The following CHRNA2 variants were observed in gnomAD, a reference collection of about 807,000 sequenced individuals.
CHRNA2 encodes cholinergic receptor nicotinic alpha 2 subunit, also known as neuronal acetylcholine receptor subunit alpha-2.
In CHRNA2, 40 loss-of-function variants were observed where a neutral mutation model predicts 45.5. The observed-to-expected ratio is 0.88, with a 90% CI of 0.68 to 1.15. The LOEUF (loss-of-function observed/expected upper bound fraction) is 1.15. Ranked by LOEUF, CHRNA2 falls within the 50% of genes most tolerant of loss-of-function variation. CHRNA2 has a pLI of 0.00. For synonymous variants in CHRNA2, 301 were observed against 296.7 expected, an observed-to-expected ratio of 1.01 and a Z score of -0.15; for missense variants, 655 against 701.7, an observed-to-expected ratio of 0.93 and a Z score of 0.75.
intron 4 of CHRNA2, among the ~76,000 whole-genome samples, chr8:27,468,763 C>G (rs1812777219): frequency 6.6e-6 from 1 of 152,236 alleles, no homozygotes; most frequent in South Asian, 2.1e-4. Context: ...TCAAATATCA[C>G]AAAGTAACCC....
At position 27,471,197 on chromosome 8, in the gene CHRNA2, G is replaced by A. The variant is rs765846499; in HGVS notation, c.-136-3C>T. 40 of 773,722 alleles carry A rather than the reference G, an allele frequency of 5.2e-5. No individual in the cohort carries two copies. Among genetic ancestry groups the A allele is most frequent in the African/African-American group, 2.8e-4 (16 of 57,808 alleles). 47.9% of individuals were successfully genotyped at this position (773,722 alleles called of 1,614,324 possible). A position where few individuals can be genotyped will look rare whatever the true frequency, so the allele number is the denominator to read the frequency against. ...GAGGCTTCCTCTCACCACCGAACCT[G>A]AGCAAGCCCAAGAAAGGGCTCTTAG... is the stretch of plus-strand genomic sequence containing the variant. On this transcript the variant is annotated splice_polypyrimidine_tract_variant and splice_region_variant and intron_variant, in intron 1 of 6. Coordinates refer to ENST00000407991, the MANE Select transcript of CHRNA2 (RefSeq NM_000742.4).
At chr8:27,467,906 G>A (rs891399) in intron 4 of CHRNA2, among the ~76,000 whole-genome samples, 26,476 of 151,922 alleles carry the variant, frequency 0.17, 2,658 homozygotes, top group East Asian at 0.45. Flanking sequence ...CACCAGAGAC[G>A]GGATGTCTGG....
In CHRNA2 at chr8:27,469,664, C is replaced by T. The variant is rs552736727; in HGVS notation, c.294+97G>A. 1.8e-4 allele frequency: 258 copies of T among 1,450,918 alleles called. No individual in the cohort carries two copies. In the African/African-American group the frequency reaches 2.7e-3, roughly 15 times the overall value. The allele number at this position is 1,450,918 out of a possible 1,614,324, so 89.9% of individuals were successfully genotyped here. A position where few individuals can be genotyped will look rare whatever the true frequency, so the allele number is the denominator to read the frequency against. ...AACCCCACCCCAAGTCACTGCTGTG[C>T]GTGAGGGCAGGGCTGGGGTAGAGGA... On this transcript the variant is annotated intron_variant, in intron 3 of 6. Transcript: ENST00000407991.
At chr8:27,473,811 G>A (rs952880555) in intron 1 of CHRNA2, among the ~76,000 whole-genome samples, 21 of 152,208 alleles carry the variant, frequency 1.4e-4, no homozygotes, top group Middle Eastern at 3.4e-3. Context: ...CATCCCCCCC[G>A]TCCACTCTGA....
rs188098799 is a variant in CHRNA2, at chr8:27,463,299, G to A, written c.1144C>T (p.Arg382Trp). 25 of 1,610,228 alleles carry A rather than the reference G, an allele frequency of 1.6e-5. No homozygotes were observed. In the East Asian group the frequency reaches 2.0e-4, roughly 13 times the overall value. The change falls in exon 6 of 7, where the codon CGG (arginine) becomes TGG (tryptophan). Residue 382 changes from arginine (R) to tryptophan (W), a missense_variant. Physicochemically the swap from Arg to Trp is moderately radical, Grantham distance 101. Around this residue, in one of 3 missense-constraint regions of CHRNA2, gnomAD observed 295 missense variants for 280.4 expected, o/e 1.05. Transcript: ENST00000407991. The surrounding 1 kb of genome is among the most constrained non-coding windows in gnomAD (Gnocchi z 6.1). ...CAGAGCTCCACGGGTGGTGGGGGCC[G>A]GTTCATCAGAAGCCACCGGGGCACA... is the stretch of plus-strand genomic sequence containing the variant. Reference protein sequence around the residue: ...GCVPRWLLMNRPPPPVELCHP... With the variant: ...GCVPRWLLMNWPPPPVELCHP...
In CHRNA2 at chr8:27,469,828, G is replaced by C. The variant is rs199810678; in HGVS notation, c.227C>G (p.Pro76Arg). The C allele has an allele frequency of 1.9e-6, 3 of 1,614,076 alleles. No individual in the cohort carries two copies. Among genetic ancestry groups the C allele is most frequent in the Non-Finnish European group, 8.5e-7 (1 of 1,180,050 alleles). The change falls in exon 3 of 7, where the codon CCG becomes CGG. Residue 76 changes from proline (P) to arginine (R), a missense_variant. This residue lies in a region of CHRNA2 where 323 missense variants were observed against 354.4 expected (regional missense o/e 0.91). Transcript: ENST00000407991. Reference protein sequence around the residue: ...LFRGYNRWARPVPNTSDVVIV... With the variant: ...LFRGYNRWARRVPNTSDVVIV... ...CACCACGTCTGAAGTGTTGGGCACC[G>C]GGCGCGCCCAGCGGTTGTAGCCCCG...
At chr8:27,473,535 C>CCT in intron 1 of CHRNA2, among the ~76,000 whole-genome samples, 1 of 138,372 alleles carries the variant, frequency 7.2e-6, no homozygotes, top group Middle Eastern at 3.5e-3. Flanking sequence ...CCCCCCCCGC[C>CCT]GTCTCTACAA....
chr8:27,476,898 A>T (rs1813076648), intron 1 of CHRNA2, among the ~76,000 whole-genome samples: 1 of 152,064 alleles, frequency 6.6e-6, no homozygotes, highest in South Asian at 2.1e-4. Context: ...TGTTGTTTTC[A>T]GGTTTACAAG....
chr8:27,471,448 G>A (rs1195945131), intron 1 of CHRNA2, among the ~76,000 whole-genome samples: 1 of 152,218 alleles, frequency 6.6e-6, no homozygotes, highest in African/African-American at 2.4e-5. Flanking sequence ...ATGGGACTGA[G>A]GTCCCCATTG....
chr8:27,468,244 A>G (rs1435151971), intron 4 of CHRNA2, among the ~76,000 whole-genome samples: 2 of 152,186 alleles, frequency 1.3e-5, no homozygotes, highest in Non-Finnish European at 2.9e-5. Context: ...TGACCAGCCC[A>G]TGGGGACAAC....
chr8:27,474,028 T>C (rs1291506279), intron 1 of CHRNA2, among the ~76,000 whole-genome samples: 1 of 152,142 alleles, frequency 6.6e-6, no homozygotes, highest in Non-Finnish European at 1.5e-5. Context: ...AGATAAAGAT[T>C]GGACACTTTC....
chr8:27,466,026 A>G lies in CHRNA2; in HGVS notation c.449+1203T>C, dbSNP rs1001279. ...GGACTTTGCTCCTGACCTCTGCCAC[A>G]TGTACAGGAAGTGGAAACTAGAAGG... On this transcript the variant is annotated intron_variant, in intron 5 of 6. Coordinates refer to ENST00000407991, the MANE Select transcript of CHRNA2 (RefSeq NM_000742.4). Among the ~76,000 whole-genome samples, 322 of 152,340 alleles carry G rather than the reference A, an allele frequency of 2.1e-3. 8 individuals are homozygous for G. In the East Asian group the frequency reaches 0.054, roughly 25 times the overall value.
At position 27,471,049 on chromosome 8, in the gene CHRNA2, A is replaced by G; in HGVS notation, c.10T>C (p.Ser4Pro). MGPSCPVFLSFTKL... is the reference protein window; with the variant it reads MGPPCPVFLSFTKL... ...GTGAAGGACAGGAACACAGGACAGG[A>G]GGGGCCCATGGCTTCTCCTGAGCAT... is the stretch of plus-strand genomic sequence containing the variant. The change falls in exon 2 of 7, where the codon TCC becomes CCC. Residue 4 changes from serine to proline, a missense_variant. By Grantham distance (74) the Ser-to-Pro change is moderately conservative. Transcript: ENST00000407991. 2 of 1,614,048 alleles carry G rather than the reference A, an allele frequency of 1.2e-6. No individual in the cohort carries two copies. The highest frequency in any genetic ancestry group is 1.7e-6 in the Non-Finnish European group (2 of 1,179,958).
At chr8:27,469,434 A>G (rs1189795755) in intron 3 of CHRNA2, 55 bp from the exon 4 acceptor site, 16 of 1,528,852 alleles carry the variant, frequency 1.0e-5, no homozygotes, top group Non-Finnish European at 1.4e-5. Context: ...GCCCCAGAAG[A>G]CAGGGTGGAG....
At chr8:27,464,725 T>G (rs1381278441) in intron 5 of CHRNA2, among the ~76,000 whole-genome samples, 1 of 152,194 alleles carries the variant, frequency 6.6e-6, no homozygotes, top group Non-Finnish European at 1.5e-5. Context: ...GGATCATCCT[T>G]GCTCAGAAGA....
chr8:27,471,986 A>G (rs775548563), intron 1 of CHRNA2, among the ~76,000 whole-genome samples: 16 of 152,328 alleles, frequency 1.1e-4, no homozygotes, highest in South Asian at 6.2e-4. Flanking sequence ...TTGATCGCCA[A>G]TGGCCACTGG....
intron 2 of CHRNA2, 101 bp downstream of exon 2, chr8:27,470,885 C>A: frequency 7.9e-7 from 1 of 1,262,166 alleles, no homozygotes; most frequent in Non-Finnish European, 1.1e-6. Flanking sequence ...TCCCCTGCAG[C>A]TTTGACGGTT....
At chr8:27,464,590 AG>A (rs1252398089) in intron 5 of CHRNA2, among the ~76,000 whole-genome samples, 1 of 152,038 alleles carries the variant, frequency 6.6e-6, no homozygotes, top group Non-Finnish European at 1.5e-5. Context: ...ATGACATCAC[AG>A]GGGGTCAAAG....
chr8:27,463,809 C>A lies in CHRNA2; in HGVS notation c.634G>T (p.Asp212Tyr), dbSNP rs760660239. ...ACAGTCTGCTCCATCTGCTCCAGGTCGATCTTGGCCTTGTCATAAGTCCAG... is the reference window on the plus strand; with the variant it reads ...ACAGTCTGCTCCATCTGCTCCAGGTAGATCTTGGCCTTGTCATAAGTCCAG... ...GSWTYDKAKIDLEQMEQTVDL... is the reference protein window; with the variant it reads ...GSWTYDKAKIYLEQMEQTVDL... The change falls in exon 6 of 7, where the codon GAC becomes TAC. Residue 212 changes from aspartate (D) to tyrosine (Y), a missense_variant. Asp to Tyr is a radical substitution (Grantham distance 160). Transcript: ENST00000407991. The surrounding 1 kb of genome is among the most constrained non-coding windows in gnomAD (Gnocchi z 6.1). 1.2e-6 allele frequency: 2 copies of A among 1,614,122 alleles called. No individual in the cohort carries two copies. Among genetic ancestry groups the A allele is most frequent in the Non-Finnish European group, 1.7e-6 (2 of 1,180,012 alleles).
Sources: gnomAD v4.1 joint callset for allele counts (sites outside exome capture counted in the v4.1 genomes callset) on GRCh38, gnomAD v4.1.1 for gene constraint, gnomAD v4.1.1 regional missense constraint, Gnocchi (gnomAD v3.1) non-coding constraint, MANE v1.5 for transcripts, NCBI Gene and HGNC (gene_info 2026-07-23, HGNC 2026-07-21) for gene names.